Variants in GSTA1 observed in about 807,000 individuals in gnomAD.
The protein encoded by GSTA1 is glutathione S-transferase A1.
GSTA1 carries 23 observed loss-of-function variants against 21.5 expected under a neutral mutation model. The ratio of observed to expected loss-of-function variants is 1.07; its 90% CI spans 0.77 to 1.52. The LOEUF is 1.52. GSTA1 is among the 40% of genes most tolerant of loss of function. The probability of loss-of-function intolerance (pLI) is 0.00; values close to 1 mark genes in which losing one functional copy is unlikely to be tolerated. For missense variants in GSTA1, 301 were observed against 264.2 expected (o/e 1.14, Z -0.96); for synonymous variants, 125 against 90.0 (o/e 1.39, Z -2.20).
chr6:52,794,407 G>T (rs1763530671), intron 4 of GSTA1, 141 bp from the exon 5 acceptor site: 1 of 728,524 alleles, frequency 1.4e-6, no homozygotes, highest in African/African-American at 1.8e-5. Flanking sequence ...TAGTCATTAT[G>T]CTCTGAGTTT....
chr6:52,792,870 A>T lies in GSTA1; in HGVS notation c.532T>A (p.Phe178Ile), dbSNP rs1369499575. ...EELDSSLISSFPLLKALKTRI... is the reference protein window; with the variant it reads ...EELDSSLISSIPLLKALKTRI... ...AAATGGGTCACCTTCAGCAGAGGGA[A>T]GCTGGAGATAAGACTGGAGTCAAGC... Residue 178 changes from phenylalanine (F) to isoleucine (I), a missense_variant, in exon 6 of 7, where the codon TTC (phenylalanine) becomes ATC (isoleucine). Physicochemically the swap from Phe to Ile is conservative, Grantham distance 21. Coordinates refer to ENST00000334575, the MANE Select transcript of GSTA1 (RefSeq NM_145740.5). The T allele has an allele frequency of 5.0e-6, 8 of 1,613,946 alleles. No individual in the cohort carries two copies. Among genetic ancestry groups the T allele is most frequent in the Non-Finnish European group, 6.8e-6 (8 of 1,179,874 alleles).
intron 4 of GSTA1, among the ~76,000 whole-genome samples, chr6:52,795,247 T>A (rs893237974): frequency 1.3e-4 from 20 of 152,210 alleles, no homozygotes; most frequent in African/African-American, 3.9e-4. Flanking sequence ...TTGTTTCTTT[T>A]ATGTAACATG....
intron 1 of GSTA1, 31 bp downstream of exon 1, chr6:52,803,754 A>G (rs1763770497): frequency 5.6e-6 from 1 of 179,534 alleles, no homozygotes; most frequent in Non-Finnish European, 1.2e-5. Context: ...GTGTGAGGCA[A>G]TGTAGAGAAA....
At chr6:52,796,546 T>TTTTTTTTTTTTTC (rs1763595361) in intron 3 of GSTA1, among the ~76,000 whole-genome samples, 1 of 98,258 alleles carries the variant, frequency 1.0e-5, no homozygotes, top group Non-Finnish European at 2.0e-5. Flanking sequence ...TATATATATT[T>TTTTTTTTTTTTTC]TTTTTTTTTT....
At chr6:52,800,149 T>C (rs1763680053) in intron 1 of GSTA1, among the ~76,000 whole-genome samples, 1 of 152,236 alleles carries the variant, frequency 6.6e-6, no homozygotes, top group Admixed American at 6.5e-5. Flanking sequence ...TTGTTCAACA[T>C]CAGTTACACA....
At chr6:52,802,699 T>G (rs1763745497) in intron 1 of GSTA1, among the ~76,000 whole-genome samples, 1 of 152,226 alleles carries the variant, frequency 6.6e-6, no homozygotes, top group African/African-American at 2.4e-5. Context: ...GTTCTATGTA[T>G]CTATCTCTTT....
Position 52,792,990 on chromosome 6 carries a change from G to A in GSTA1, c.415-3C>T. On this transcript the variant is annotated splice_polypyrimidine_tract_variant and splice_region_variant and intron_variant, in intron 5 of 6. Coordinates refer to ENST00000334575, the MANE Select transcript of GSTA1 (RefSeq NM_145740.5). ...TCTTGTCCATGGCTCTTTAAGACCT[G>A]GAGAATGGGAGGAATCAGATCAGGA... is the stretch of plus-strand genomic sequence containing the variant. 1 of 1,614,002 alleles carries A rather than the reference G, an allele frequency of 6.2e-7. No homozygotes were observed.
chr6:52,801,497 T>C (rs973094579), intron 1 of GSTA1, among the ~76,000 whole-genome samples: 6 of 152,218 alleles, frequency 3.9e-5, no homozygotes, highest in South Asian at 2.1e-4. Context: ...TTCACAGTGT[T>C]GTAATTCCAA....
At position 52,792,908 on chromosome 6, in the gene GSTA1, T is replaced by G. The variant is rs758070572; in HGVS notation, c.494A>C (p.Tyr165Ser). ...ACTGGAGTCAAGCTCCTCGACGTAG[T>G]AGAGAAGTTCCACCAGATGAATGTC... ...RADIHLVELL[Y>S]YVEELDSSLI... The change falls in exon 6 of 7, where the codon TAC becomes TCC. Residue 165 changes from tyrosine to serine, a missense_variant. By Grantham distance (144) the Tyr-to-Ser change is moderately radical (BLOSUM62 -2). Transcript: ENST00000334575. 10 of 1,613,966 alleles carry G rather than the reference T, an allele frequency of 6.2e-6. No individual in the cohort carries two copies. Among genetic ancestry groups the G allele is most frequent in the South Asian group, 1.1e-5 (1 of 91,088 alleles).
At chr6:52,792,611 C>T (rs982527613) in intron 6 of GSTA1, 62 of 834,570 alleles carry the variant, frequency 7.4e-5, no homozygotes, top group Middle Eastern at 4.2e-4. Flanking sequence ...GATGCTGGGC[C>T]CTGGGTTCTT....
intron 6 of GSTA1, chr6:52,792,604 G>T: frequency 1.3e-6 from 1 of 755,116 alleles, no homozygotes; most frequent in Non-Finnish European, 1.9e-6. Flanking sequence ...GGGGAGAGAT[G>T]CTGGGCCCTG....
chr6:52,797,126 C>A (rs1320549432), intron 3 of GSTA1, among the ~76,000 whole-genome samples: 1 of 152,124 alleles, frequency 6.6e-6, no homozygotes, highest in African/African-American at 2.4e-5. Flanking sequence ...ATGTAAGGGT[C>A]CCTTTCTGTG....
intron 1 of GSTA1, among the ~76,000 whole-genome samples, chr6:52,800,953 C>T (rs749875258): frequency 5.9e-5 from 9 of 152,190 alleles, no homozygotes; most frequent in Non-Finnish European, 1.0e-4. Context: ...GTGATCTTGG[C>T]TCACTGCAAA....
chr6:52,798,135 G>A (rs1264300649), intron 2 of GSTA1, among the ~76,000 whole-genome samples: 1 of 152,212 alleles, frequency 6.6e-6, no homozygotes, highest in East Asian at 1.9e-4. Context: ...GGTCGCCACT[G>A]TTGCACAGCT....
rs183821084 is a variant in GSTA1 at position 52,792,969 on chromosome 6, G to T, written c.433C>A (p.Gln145Lys). 9.3e-6 allele frequency: 15 copies of T among 1,614,092 alleles called. No homozygotes were observed. In the East Asian group the frequency reaches 3.1e-4, roughly 34 times the overall value. ...AGCTTGTTGCCAACAAGGTAGTCTT[G>T]TCCATGGCTCTTTAAGACCTGGAGA... ...AFEKVLKSHGQDYLVGNKLSR... is the reference protein window; with the variant it reads ...AFEKVLKSHGKDYLVGNKLSR... The change falls in exon 6 of 7, where the codon CAA becomes AAA. Residue 145 changes from glutamine (Q) to lysine (K), a missense_variant. Transcript: ENST00000334575.
intron 2 of GSTA1, among the ~76,000 whole-genome samples, chr6:52,798,238 G>A (rs1463519701): frequency 1.3e-5 from 2 of 151,690 alleles, no homozygotes; most frequent in Non-Finnish European, 2.9e-5. Flanking sequence ...TCCCACACTA[G>A]CATTATTTTT....
chr6:52,797,318 G>T (rs1763614543), intron 3 of GSTA1, among the ~76,000 whole-genome samples: 1 of 152,048 alleles, frequency 6.6e-6, no homozygotes, highest in Non-Finnish European at 1.5e-5. Flanking sequence ...CATTCATGGT[G>T]CCCCAAGCAT....
chr6:52,796,541 A>ATTTTT (rs1198221761), intron 3 of GSTA1, among the ~76,000 whole-genome samples: 58 of 34,292 alleles, frequency 1.7e-3, no homozygotes, highest in African/African-American at 3.8e-3. Flanking sequence ...ATATATATAT[A>ATTTTT]TATTTTTTTT....
At chr6:52,799,936 A>G (rs1347199986) in intron 1 of GSTA1, among the ~76,000 whole-genome samples, 1 of 152,214 alleles carries the variant, frequency 6.6e-6, no homozygotes, top group East Asian at 1.9e-4. Flanking sequence ...TGACTGTGAG[A>G]CTACATTTGA....
Sources: gnomAD v4.1 joint callset for allele counts (sites outside exome capture counted in the v4.1 genomes callset) on GRCh38, gnomAD v4.1.1 for gene constraint, MANE v1.5 for transcripts, NCBI Gene and HGNC (gene_info 2026-07-23, HGNC 2026-07-21) for gene names.